MYO5B: variants seen among roughly 807,000 people sequenced by gnomAD.
MYO5B encodes myosin VB.
Under a neutral mutation model 229.3 loss-of-function variants are expected in MYO5B, and 143 were observed. The ratio of observed to expected loss-of-function variants is 0.62; its 90% CI spans 0.54 to 0.72. The LOEUF (loss-of-function observed/expected upper bound fraction) is 0.72, where lower values mean the gene tolerates loss of function less well. Among genes scored for constraint, MYO5B ranks in the 30% least tolerant of loss-of-function variants. The pLI, the probability that MYO5B is intolerant of heterozygous loss-of-function variation, is 0.00. For missense variants in MYO5B, 2,321 were observed against 2,331.0 expected (o/e 1.00, Z 0.09); for synonymous variants, 918 against 885.2 (o/e 1.04, Z -0.66).
At position 50,016,575 on chromosome 18, in the gene MYO5B, C is replaced by A. The variant is rs181827876; in HGVS notation, c.456-15164G>T. 1.5e-3 allele frequency among the ~76,000 whole-genome samples: 225 copies of A among 152,250 alleles called. 1 individual carries two copies. Among genetic ancestry groups the A allele is most frequent in the Non-Finnish European group, 2.7e-3 (185 of 68,010 alleles). On this transcript the variant is annotated intron_variant, in intron 4 of 39. Coordinates refer to ENST00000285039, the MANE Select transcript of MYO5B (RefSeq NM_001080467.3). ...TTATCCAATCTAGGCTAAAATGATACCATCTAAGAGACATTTTTCTTGTCC... is the reference window on the plus strand; with the variant it reads ...TTATCCAATCTAGGCTAAAATGATAACATCTAAGAGACATTTTTCTTGTCC...
At chr18:49,853,406 C>T (rs372936059) in intron 31 of MYO5B, 43 bp downstream of exon 31, 16 of 1,608,164 alleles carry the variant, frequency 9.9e-6, no homozygotes, top group African/African-American at 5.4e-5. Flanking sequence ...GCTTCTAGAA[C>T]GTGACTTCCC....
At chr18:50,078,077 G>T (rs1486145988) in intron 1 of MYO5B, among the ~76,000 whole-genome samples, 2 of 152,242 alleles carry the variant, frequency 1.3e-5, no homozygotes, top group African/African-American at 4.8e-5. Context: ...CCTAGGGAAA[G>T]CGGGAATATT....
chr18:49,878,649 A>T lies in MYO5B; in HGVS notation c.3276+296T>A, dbSNP rs565517. On this transcript the variant is annotated intron_variant, in intron 24 of 39. Coordinates refer to ENST00000285039, the MANE Select transcript of MYO5B (RefSeq NM_001080467.3). ...TGAGAACTCCCACACCCCATTACTG[A>T]CTCAACACAGGAATGTTCCCGTAAC... Among the ~76,000 whole-genome samples, 129,125 of 152,162 alleles carry T rather than the reference A, an allele frequency of 0.85. 54,894 individuals are homozygous for T. Among genetic ancestry groups the T allele is most frequent in the East Asian group, 0.95 (4,948 of 5,184 alleles).
intron 1 of MYO5B, among the ~76,000 whole-genome samples, chr18:50,134,118 G>A (rs1280008783): frequency 6.6e-6 from 1 of 152,156 alleles, no homozygotes; most frequent in South Asian, 2.1e-4. Flanking sequence ...TGGGGACAAA[G>A]GCAGAAGGAA....
At position 49,841,542 on chromosome 18, in the gene MYO5B, C is replaced by T. The variant is rs531988840; in HGVS notation, c.4612-88G>A. On this transcript the variant is annotated intron_variant, in intron 34 of 39. Transcript: ENST00000285039. ...GTACCTCTTTCCCCACATTTCCTAC[C>T]CTTACCTAGTGTTCCTGAGCAGCCC... The T allele has an allele frequency of 4.6e-4, 562 of 1,230,450 alleles. 3 individuals are homozygous for T. The highest frequency in any genetic ancestry group is 1.4e-3 in the South Asian group (113 of 83,004). 76.2% of individuals were successfully genotyped at this position (1,230,450 alleles called of 1,614,324 possible).
chr18:49,878,695 C>T (rs1368874808), intron 24 of MYO5B, among the ~76,000 whole-genome samples: 1 of 152,164 alleles, frequency 6.6e-6, no homozygotes, highest in Non-Finnish European at 1.5e-5. Context: ...AAAGATAACA[C>T]ACTTGGGTAG....
intron 1 of MYO5B, among the ~76,000 whole-genome samples, chr18:50,127,149 T>C (rs2032176978): frequency 6.6e-6 from 1 of 152,164 alleles, no homozygotes; most frequent in African/African-American, 2.4e-5. Flanking sequence ...TTTACATTGC[T>C]AGTTAGAGCC....
At chr18:50,104,265 G>GATATATATATATATATACATATATATAT (rs2031712608) in intron 1 of MYO5B, among the ~76,000 whole-genome samples, 7 of 134,572 alleles carry the variant, frequency 5.2e-5, no homozygotes, top group African/African-American at 1.7e-4. Context: ...ATCTATACAT[G>GATATATATATATATATACATATATATAT]ATATATATAT....
intron 21 of MYO5B, among the ~76,000 whole-genome samples, chr18:49,898,458 T>G (rs974186460): frequency 2.0e-5 from 3 of 152,246 alleles, no homozygotes; most frequent in African/African-American, 7.2e-5. Context: ...AAATGTGTGC[T>G]TGACTAAAGT....
At chr18:49,880,104 G>A (rs1419956756) in intron 23 of MYO5B, among the ~76,000 whole-genome samples, 2 of 152,122 alleles carry the variant, frequency 1.3e-5, no homozygotes, top group Non-Finnish European at 2.9e-5. Context: ...AGAAGCACAC[G>A]GCAGAATCAT....
At chr18:49,970,476 C>T (rs1446879231) in intron 10 of MYO5B, among the ~76,000 whole-genome samples, 1 of 152,146 alleles carries the variant, frequency 6.6e-6, no homozygotes, top group Non-Finnish European at 1.5e-5. Flanking sequence ...TGTTTAGAAG[C>T]CCACAGCCTT....
In MYO5B at chr18:50,061,918, A is replaced by G. The variant is rs1010097506; in HGVS notation, c.28-6540T>C. On this transcript the variant is annotated intron_variant, in intron 1 of 39. Transcript: ENST00000285039. The stretch of plus-strand genomic sequence containing the variant: ...TTTGAGTCATTTCAACTTAGTTTCA[A>G]AACTGAATTAGGTTGAGCAGGGTTA... 7.9e-4 allele frequency among the ~76,000 whole-genome samples: 120 copies of G among 152,196 alleles called. 3 individuals are homozygous for G. Among genetic ancestry groups the G allele is most frequent in the Non-Finnish European group, 7.3e-4 (50 of 68,046 alleles).
chr18:50,100,914 C>G (rs1283556841), intron 1 of MYO5B, among the ~76,000 whole-genome samples: 1 of 152,190 alleles, frequency 6.6e-6, no homozygotes, highest in Non-Finnish European at 1.5e-5. Context: ...TTGGGAGGGA[C>G]AGGGCTTGGG....
intron 36 of MYO5B, 150 bp from the exon 37 acceptor site, chr18:49,837,952 CA>C: frequency 1.0e-6 from 1 of 989,788 alleles, no homozygotes; most frequent in Non-Finnish European, 1.5e-6. Flanking sequence ...TAACATTTGG[CA>C]AAAAATTTCT....
intron 39 of MYO5B, among the ~76,000 whole-genome samples, chr18:49,829,197 GCC>G (rs1045071002): frequency 2.0e-5 from 3 of 151,402 alleles, no homozygotes; most frequent in African/African-American, 7.3e-5. Flanking sequence ...TCCTGCCTCA[GCC>G]CCCCAAGTAG....
intron 1 of MYO5B, among the ~76,000 whole-genome samples, chr18:50,132,900 T>A (rs1409795533): frequency 6.6e-6 from 1 of 152,264 alleles, no homozygotes; most frequent in African/African-American, 2.4e-5. Context: ...AGCTCCCTGG[T>A]TACATATACA....
At position 50,062,500 on chromosome 18, in the gene MYO5B, C is replaced by T. The variant is rs113537112; in HGVS notation, c.28-7122G>A. On this transcript the variant is annotated intron_variant, in intron 1 of 39. Transcript: ENST00000285039. ...AGCAGTTTCCCAAGTGGCTTGGTAC[C>T]TGGAAGGATACTGCTGTGTTGTAGG... Among the ~76,000 whole-genome samples, 685 of 152,306 alleles carry T rather than the reference C, an allele frequency of 4.5e-3. 3 individuals are homozygous for T. The highest frequency in any genetic ancestry group is 7.6e-3 in the Non-Finnish European group (519 of 68,030).
intron 5 of MYO5B, among the ~76,000 whole-genome samples, chr18:49,994,291 A>G (rs2025964126): frequency 1.3e-5 from 2 of 152,212 alleles, no homozygotes; most frequent in Admixed American, 1.3e-4. Context: ...CACCCAGTAC[A>G]TGGTAAGCAC....
chr18:50,141,019 C>A (rs1215503760), intron 1 of MYO5B, among the ~76,000 whole-genome samples: 1 of 152,242 alleles, frequency 6.6e-6, no homozygotes, highest in African/African-American at 2.4e-5. Context: ...AGAGTTTTCA[C>A]TGGGGCTTCA....
Sources: allele counts gnomAD v4.1 joint callset (sites outside exome capture counted in the v4.1 genomes callset), GRCh38; gene constraint gnomAD v4.1.1; transcripts MANE v1.5; gene names NCBI Gene and HGNC (gene_info 2026-07-23, HGNC 2026-07-21).